Variants in PLEKHS1 observed in about 807,000 individuals in gnomAD.
The protein encoded by PLEKHS1 is pleckstrin homology domain containing S1, also known as pleckstrin homology domain-containing family S member 1.
PLEKHS1 carries 55 observed loss-of-function variants against 51.0 expected under a neutral mutation model. That is an observed-to-expected ratio of 1.08 (90% CI 0.87 to 1.35). The LOEUF (loss-of-function observed/expected upper bound fraction) is 1.35. Ranked by LOEUF, PLEKHS1 falls within the 40% of genes most tolerant of loss-of-function variation. The pLI, the probability that PLEKHS1 is intolerant of heterozygous loss-of-function variation, is 0.00. For missense variants in PLEKHS1, 398 were observed against 423.0 expected, an observed-to-expected ratio of 0.94 and a Z score of 0.52; for synonymous variants, 153 against 144.8, an observed-to-expected ratio of 1.06 and a Z score of -0.41.
At chr10:113,769,897 C>A in exon 7 of PLEKHS1, 1 of 1,608,158 alleles carries the variant, frequency 6.2e-7, no homozygotes, top group Non-Finnish European at 8.5e-7. Context: ...GTCTCCAAGA[C>A]AAGGTAATGG....
exon 12 of PLEKHS1, chr10:113,780,982 C>A: frequency 3.4e-6 from 2 of 584,026 alleles, no homozygotes; most frequent in South Asian, 2.4e-5. Flanking sequence ...ATTGGAGAAC[C>A]TGGGGGAATT....
exon 12 of PLEKHS1, chr10:113,782,198 G>A (rs549275722): frequency 2.0e-5 from 3 of 152,126 alleles, no homozygotes; most frequent in South Asian, 4.1e-4. Flanking sequence ...GGAAAAAATC[G>A]AGCCCCGGAG....
At chr10:113,756,587 AG>A (rs1854125936) in intron 2 of PLEKHS1, among the ~76,000 whole-genome samples, 1 of 152,232 alleles carries the variant, frequency 6.6e-6, no homozygotes, top group African/African-American at 2.4e-5. Flanking sequence ...AAGAAGAAAA[AG>A]CATGTAAGTA....
chr10:113,778,457 T>C (rs1000075483), intron 11 of PLEKHS1, among the ~76,000 whole-genome samples: 4 of 152,226 alleles, frequency 2.6e-5, no homozygotes, highest in African/African-American at 9.7e-5. Context: ...TGTGATTGTG[T>C]AGCATATCTA....
chr10:113,775,493 T>A (rs759700948), intron 10 of PLEKHS1, among the ~76,000 whole-genome samples: 1 of 152,206 alleles, frequency 6.6e-6, no homozygotes, highest in Non-Finnish European at 1.5e-5. Context: ...TGGAATCATT[T>A]CCAGCAGAGA....
chr10:113,771,681 A>G (rs1469241884), intron 7 of PLEKHS1, among the ~76,000 whole-genome samples: 5 of 151,174 alleles, frequency 3.3e-5, no homozygotes, highest in African/African-American at 7.3e-5. Context: ...TCTCAAAAAA[A>G]AAAAAAAAAA....
At position 113,766,851 on chromosome 10, in the gene PLEKHS1, T is replaced by C. The variant is rs1056127743; in HGVS notation, c.224+133T>C. Reference sequence around the variant, plus strand: ...TCAAGCTGATTATAATATTTGTGACTGAATAGGAGCTAAAATAGTGAGCAC... The same window carrying C: ...TCAAGCTGATTATAATATTTGTGACCGAATAGGAGCTAAAATAGTGAGCAC... On this transcript the variant is annotated intron_variant, in intron 4 of 11. Transcript: ENST00000361048. The C allele has an allele frequency of 7.6e-6, 5 of 653,796 alleles. No homozygotes were observed. In the African/African-American group the frequency reaches 9.4e-5, roughly 12 times the overall value. 40.5% of individuals were successfully genotyped at this position (653,796 alleles called of 1,614,324 possible).
exon 12 of PLEKHS1, chr10:113,781,668 TCCTTCCCAACACCG>T (rs1321262300): frequency 2.9e-5 from 2 of 68,610 alleles, no homozygotes; most frequent in Non-Finnish European, 5.6e-5. Context: ...CCCAGACACC[TCCTTCCCAACACCG>T]CCTTCCCAAC....
intron 2 of PLEKHS1, among the ~76,000 whole-genome samples, chr10:113,762,265 G>C (rs117402590): frequency 0.012 from 1,880 of 150,666 alleles, 18 homozygotes; most frequent in Non-Finnish European, 0.019. Context: ...GATTAACTTT[G>C]GTTTCATTGG....
At chr10:113,777,732 C>T in intron 11 of PLEKHS1, 1 of 1,481,092 alleles carries the variant, frequency 6.8e-7, no homozygotes, top group East Asian at 2.5e-5. Flanking sequence ...TACAACTGAC[C>T]ATGGAATGTT....
chr10:113,754,744 A>G (rs1056326222), intron 1 of PLEKHS1, among the ~76,000 whole-genome samples: 6 of 152,144 alleles, frequency 3.9e-5, no homozygotes, highest in South Asian at 2.1e-4. Context: ...TCAGCCTCCC[A>G]AAGTGCTGGG....
Position 113,774,710 on chromosome 10 carries a change from C to G in PLEKHS1, c.780-116C>G, listed in dbSNP as rs191758175. 22 of 862,200 alleles carry G rather than the reference C, an allele frequency of 2.6e-5. No homozygotes were observed. In the African/African-American group the frequency reaches 3.5e-4, roughly 14 times the overall value. 53.4% of individuals were successfully genotyped at this position (862,200 alleles called of 1,614,324 possible). On this transcript the variant is annotated intron_variant, in intron 9 of 11. Coordinates refer to ENST00000361048, the Ensembl canonical transcript of PLEKHS1. Reference sequence around the variant, plus strand: ...GCTGTGATTCTGATAGTTGGACATACGTCAAGACCTTGCTAGTCTTCACAT... The same window carrying G: ...GCTGTGATTCTGATAGTTGGACATAGGTCAAGACCTTGCTAGTCTTCACAT...
exon 11 of PLEKHS1, chr10:113,775,807 C>T (rs1411098593): frequency 6.2e-7 from 1 of 1,613,004 alleles, no homozygotes; most frequent in East Asian, 2.2e-5. Context: ...TGAACGTTTT[C>T]CTTTCTCCTC....
chr10:113,768,909 T>C lies in PLEKHS1; in HGVS notation c.435+19T>C, dbSNP rs377315589. ...CACAGAGGTGACTCCATATCACTAATAAAATAACAGGGCACCTGAACACAA... is the reference window on the plus strand; with the variant it reads ...CACAGAGGTGACTCCATATCACTAACAAAATAACAGGGCACCTGAACACAA... On this transcript the variant is annotated intron_variant, in intron 6 of 11. Transcript: ENST00000361048. 19 of 1,588,530 alleles carry C rather than the reference T, an allele frequency of 1.2e-5. No homozygotes were observed. Among genetic ancestry groups the C allele is most frequent in the African/African-American group, 2.7e-5 (2 of 73,832 alleles).
intron 7 of PLEKHS1, among the ~76,000 whole-genome samples, chr10:113,770,844 T>C (rs1315488914): frequency 6.6e-6 from 1 of 152,166 alleles, no homozygotes; most frequent in African/African-American, 2.4e-5. Flanking sequence ...GATCCAGTGA[T>C]TTTTAAACCA....
intron 11 of PLEKHS1, 104 bp from the exon 13 acceptor site, chr10:113,780,498 T>C: frequency 9.1e-7 from 1 of 1,104,534 alleles, no homozygotes; most frequent in Non-Finnish European, 1.3e-6. Context: ...CTGCAGGACT[T>C]TCTTCAATAC....
intron 2 of PLEKHS1, among the ~76,000 whole-genome samples, chr10:113,758,970 A>G (rs1843797184): frequency 6.6e-6 from 1 of 152,176 alleles, no homozygotes; most frequent in South Asian, 2.1e-4. Context: ...GTCCCAGTAG[A>G]CTTGCTCAGT....
At chr10:113,776,038 CTTG>C (rs1002893719) in intron 11 of PLEKHS1, among the ~76,000 whole-genome samples, 172 bp downstream of exon 11, 3 of 152,138 alleles carry the variant, frequency 2.0e-5, no homozygotes, top group African/African-American at 4.8e-5. Context: ...AAATCAGGGT[CTTG>C]TTGTGCAGAA....
chr10:113,782,264 A>G (rs1192087063), exon 12 of PLEKHS1: 1 of 152,212 alleles, frequency 6.6e-6, no homozygotes, highest in Non-Finnish European at 1.5e-5. Flanking sequence ...TCAGTTGCAG[A>G]ACCAAGAATC....
Sources: gnomAD v4.1 joint callset for allele counts (sites outside exome capture counted in the v4.1 genomes callset) on GRCh38, gnomAD v4.1.1 for gene constraint, MANE v1.5 for transcripts, NCBI Gene and HGNC (gene_info 2026-07-23, HGNC 2026-07-21) for gene names.